RNF215: variants seen among roughly 807,000 people sequenced by gnomAD.
RNF215 encodes ring finger protein 215.
A neutral mutation model predicts 44.8 loss-of-function variants in RNF215; 41 were observed. The observed-to-expected ratio is 0.92, with a 90% CI of 0.71 to 1.19. The LOEUF (loss-of-function observed/expected upper bound fraction) is 1.19. Among genes scored for constraint, RNF215 ranks in the 50% most tolerant of loss-of-function variants. The probability of loss-of-function intolerance (pLI) is 0.00; values close to 1 mark genes in which losing one functional copy is unlikely to be tolerated. For synonymous variants in RNF215, 218 were observed against 230.1 expected (o/e 0.95, Z 0.48); for missense variants, 452 against 496.2 (o/e 0.91, Z 0.85).
chr22:30,383,092 G>C (rs1487847682), intron 5 of RNF215, among the ~76,000 whole-genome samples: 2 of 152,190 alleles, frequency 1.3e-5, no homozygotes, highest in African/African-American at 4.8e-5. Flanking sequence ...CCTGATACAT[G>C]AGTGTTGCTG....
Position 30,379,487 on chromosome 22 carries a change from TTGCTGTCCTGTCTATCC to T in RNF215, c.*96_*112del. On this transcript the variant is annotated 3_prime_UTR_variant, in exon 9 of 9. Transcript: ENST00000382363. ...TCATCCTTCCTCCCACCCACTGGGC[TTGCTGTCCTGTCTATCC>T]TGCTGTCCCATCCTGTCCTGTCCTG... The T allele has an allele frequency of 2.2e-6, 3 of 1,335,694 alleles. No homozygotes were observed. The South Asian group carries it at 4.1e-5, about 18-fold the overall frequency. 82.7% of individuals were successfully genotyped at this position (1,335,694 alleles called of 1,614,324 possible).
chr22:30,386,007 G>A lies in RNF215; in HGVS notation c.502-18C>T, dbSNP rs1213812088. ...ATGTCCAGCTGCAGGGAGACAAGGA[G>A]GTCAGCAGGCCTGGGTCCCCCTTTC... On this transcript the variant is annotated intron_variant, in intron 3 of 8. Coordinates refer to ENST00000382363, the MANE Select transcript of RNF215 (RefSeq NM_001017981.2). The A allele has an allele frequency of 6.2e-7, 1 of 1,614,060 alleles. No homozygotes were observed. The highest frequency in any genetic ancestry group is 1.7e-5 in the Admixed American group (1 of 60,022).
In RNF215 at chr22:30,387,040, G is replaced by T; in HGVS notation, c.274C>A (p.Arg92Ser). Reference protein sequence around the residue: ...EADPAPLLGGRLLLMDIVDAE... With the variant: ...EADPAPLLGGSLLLMDIVDAE... ...TCAGCAGCGCTCACCAGCAGCAGAC[G>T]ACCGCCCAGCAGGGGCGCCGGGTCG... The change falls in exon 1 of 9, where the codon CGT becomes AGT. Residue 92 changes from arginine (R) to serine (S), a missense_variant. Coordinates refer to ENST00000382363, the MANE Select transcript of RNF215 (RefSeq NM_001017981.2). 6.5e-7 allele frequency: 1 copy of T among 1,544,688 alleles called. No homozygotes were observed. The highest frequency in any genetic ancestry group is 8.7e-7 in the Non-Finnish European group (1 of 1,150,792).
Position 30,387,370 on chromosome 22 carries a change from G to GT in RNF215, c.-58_-57insA. The GT allele has an allele frequency of 2.9e-6, 3 of 1,023,716 alleles. No individual in the cohort carries two copies. The highest frequency in any genetic ancestry group is 4.7e-4 in the Middle Eastern group (1 of 2,124). The allele number at this position is 1,023,716 out of a possible 1,614,324, so 63.4% of individuals were successfully genotyped here. ...GGCCAGGGGTCCCGGGCGCGGGGGGGATCGGAGGGAGCGAGGCCGCTGCCG... is the reference window on the plus strand; with the variant it reads ...GGCCAGGGGTCCCGGGCGCGGGGGGGTATCGGAGGGAGCGAGGCCGCTGCCG... On this transcript the variant is annotated 5_prime_UTR_variant, in exon 1 of 9. Coordinates refer to ENST00000382363, the MANE Select transcript of RNF215 (RefSeq NM_001017981.2).
chr22:30,379,960 G>A, intron 7 of RNF215, 102 bp downstream of exon 7: 2 of 1,563,938 alleles, frequency 1.3e-6, no homozygotes, highest in Middle Eastern at 1.7e-4. Context: ...GGCCCTGGGG[G>A]CTGAAGGAGA....
At chr22:30,386,975 G>A in intron 1 of RNF215, 54 bp downstream of exon 1, 2 of 1,528,706 alleles carry the variant, frequency 1.3e-6, no homozygotes, top group Non-Finnish European at 1.7e-6. Context: ...GGGTCTCTAG[G>A]GAGGGTTGAG....
Position 30,379,603 on chromosome 22 carries a change from A to G in RNF215, c.1131T>C (p.Asp377=). 1.3e-6 allele frequency: 2 copies of G among 1,550,806 alleles called. No homozygotes were observed. The highest frequency in any genetic ancestry group is 2.4e-5 in the East Asian group (1 of 40,910). The change falls in exon 9 of 9, where the codon GAT becomes GAC. Residue 377 remains aspartate (D), a synonymous_variant. Coordinates refer to ENST00000382363, the MANE Select transcript of RNF215 (RefSeq NM_001017981.2). ...FNVLGNRYSD[D] is the part of the protein sequence containing the mutation. ...TGTGCAGAGTCCAGCTGGGCAGCTAATCATCGGAGTAGCGGTTCCCTGCAG... is the reference window on the plus strand; with the variant it reads ...TGTGCAGAGTCCAGCTGGGCAGCTAGTCATCGGAGTAGCGGTTCCCTGCAG...
intron 4 of RNF215, 82 bp downstream of exon 4, chr22:30,385,822 T>C (rs1933590043): frequency 1.6e-6 from 2 of 1,271,236 alleles, no homozygotes; most frequent in Non-Finnish European, 2.3e-6. Context: ...AAGGCCCTGG[T>C]CCCAAGCCCC....
chr22:30,381,205 G>A (rs937727743), intron 5 of RNF215, among the ~76,000 whole-genome samples: 1 of 152,120 alleles, frequency 6.6e-6, no homozygotes, highest in African/African-American at 2.4e-5. Flanking sequence ...CCTCACACCC[G>A]CTCTACCCAG....
Position 30,379,217 on chromosome 22 carries a change from C to G in RNF215, c.*383G>C, listed in dbSNP as rs376266113. The G allele has an allele frequency of 7.6e-6, 2 of 262,094 alleles. No individual in the cohort carries two copies. The highest frequency in any genetic ancestry group is 1.5e-5 in the Non-Finnish European group (2 of 134,090). 16.2% of individuals were successfully genotyped at this position (262,094 alleles called of 1,614,324 possible). ...AAGCACAAAACCTGGCCACTGTAGT[C>G]TCAGCCCCCAGGAATTCCCAGACAG... On this transcript the variant is annotated 3_prime_UTR_variant, in exon 9 of 9. Coordinates refer to ENST00000382363, the MANE Select transcript of RNF215 (RefSeq NM_001017981.2).
In RNF215 at chr22:30,385,884, A is replaced by C; in HGVS notation, c.587+20T>G. 1 of 1,611,270 alleles carries C rather than the reference A, an allele frequency of 6.2e-7. No individual in the cohort carries two copies. The highest frequency in any genetic ancestry group is 8.5e-7 in the Non-Finnish European group (1 of 1,177,598). ...CTCTGTACCCAGGGTCAGTCCTTTG[A>C]AGTCTAAATACCAACTCACTGCAGC... On this transcript the variant is annotated intron_variant, in intron 4 of 8. Transcript: ENST00000382363.
chr22:30,386,588 C>A, intron 2 of RNF215, 28 bp downstream of exon 2: 1 of 1,597,744 alleles, frequency 6.3e-7, no homozygotes, highest in Non-Finnish European at 8.5e-7. Context: ...TTTCCTCCAG[C>A]CCCCTCCCCC....
intron 5 of RNF215, 119 bp downstream of exon 5, chr22:30,384,220 G>A (rs1933564424): frequency 2.7e-6 from 3 of 1,121,544 alleles, no homozygotes; most frequent in South Asian, 3.0e-5. Context: ...CCTGTGGGGT[G>A]GGAAAGGCCG....
In RNF215 at chr22:30,384,370, A is replaced by T. The variant is rs767205809; in HGVS notation, c.713T>A (p.Val238Asp). The change falls in exon 5 of 9, where the codon GTC becomes GAC. Residue 238 changes from valine (V) to aspartate (D), a missense_variant. Coordinates refer to ENST00000382363, the MANE Select transcript of RNF215 (RefSeq NM_001017981.2). The stretch of plus-strand genomic sequence containing the variant: ...CTGGGCACGACTGCCTCCAAGGCAG[A>T]CCAAGTCCTGCCATCCTCCATAGCC... ...KDGYGGWQDL[V>D]CLGGSRAQEQ... is the part of the protein sequence containing the mutation. 10 of 1,613,908 alleles carry T rather than the reference A, an allele frequency of 6.2e-6. No homozygotes were observed. The highest frequency in any genetic ancestry group is 1.3e-5 in the African/African-American group (1 of 74,928).
In RNF215 at chr22:30,387,032, C is replaced by T; in HGVS notation, c.282G>A (p.Leu94=). ...DPAPLLGGRL[L]LMDIVDAEQE... ...CAGATGGCTCAGCAGCGCTCACCAG[C>T]AGCAGACGACCGCCCAGCAGGGGCG... Residue 94 remains leucine (L), a synonymous_variant, in exon 1 of 9, where the codon CTG becomes CTA. Transcript: ENST00000382363. 2 of 1,544,004 alleles carry T rather than the reference C, an allele frequency of 1.3e-6. No individual in the cohort carries two copies. Among genetic ancestry groups the T allele is most frequent in the Non-Finnish European group, 1.7e-6 (2 of 1,150,274 alleles).
In RNF215 at chr22:30,380,111, G is replaced by A. The variant is rs141647980; in HGVS notation, c.959C>T (p.Pro320Leu). 78 of 1,613,938 alleles carry A rather than the reference G, an allele frequency of 4.8e-5. No individual in the cohort carries two copies. In the African/African-American group the frequency reaches 6.5e-4, roughly 14 times the overall value. Residue 320 changes from proline (P) to leucine (L), a missense_variant, in exon 7 of 9, where the codon CCG becomes CTG. Coordinates refer to ENST00000382363, the MANE Select transcript of RNF215 (RefSeq NM_001017981.2). This position sits in a 1 kb window ranked among gnomAD's most constrained non-coding sequence, Gnocchi z 5.3. ...LSRAAQGLPD[P>L]GAETCAVCLD... is the part of the protein sequence containing the mutation. ...GCACACCGCACAGGTCTCAGCACCCGGATCTGGGAGGCCCTGCGCTGCCCT... is the reference window on the plus strand; with the variant it reads ...GCACACCGCACAGGTCTCAGCACCCAGATCTGGGAGGCCCTGCGCTGCCCT...
chr22:30,384,755 G>C (rs1310626109), intron 4 of RNF215: 1 of 376,766 alleles, frequency 2.7e-6, no homozygotes. Flanking sequence ...CAAGCTCCAG[G>C]CTCTGGCACC....
At chr22:30,382,334 G>A (rs1449857831) in intron 5 of RNF215, among the ~76,000 whole-genome samples, 1 of 151,706 alleles carries the variant, frequency 6.6e-6, no homozygotes, top group African/African-American at 2.4e-5. Flanking sequence ...AACCTGGGAG[G>A]CGGAGGCTGT....
intron 8 of RNF215, 22 bp downstream of exon 8, chr22:30,379,689 G>C (rs1188401318): frequency 2.6e-6 from 4 of 1,552,950 alleles, no homozygotes; most frequent in Non-Finnish European, 2.6e-6. Flanking sequence ...GTAGGCCGAG[G>C]GACCCCACCC....
Sources: allele counts gnomAD v4.1 joint callset (sites outside exome capture counted in the v4.1 genomes callset), GRCh38; gene constraint gnomAD v4.1.1; non-coding constraint Gnocchi (gnomAD v3.1); transcripts MANE v1.5; gene names NCBI Gene and HGNC (gene_info 2026-07-23, HGNC 2026-07-21).